Variants in SCYL2 observed in about 807,000 individuals in gnomAD.
SCYL2 encodes SCY1-like protein 2.
In SCYL2, 36 loss-of-function variants were observed where a neutral mutation model predicts 100.4. The observed-to-expected ratio is 0.36, with a 90% CI of 0.27 to 0.47. The LOEUF is 0.47. Ranked by LOEUF, SCYL2 falls within the 20% of genes least tolerant of loss-of-function variation. The pLI is 1.00. For missense variants in SCYL2, 902 were observed against 1,083.9 expected (o/e 0.83, Z 2.36); for synonymous variants, 330 against 359.2 (o/e 0.92, Z 0.92).
intron 3 of SCYL2, among the ~76,000 whole-genome samples, chr12:100,293,873 G>A (rs1358676831): frequency 6.6e-6 from 1 of 152,164 alleles, no homozygotes; most frequent in Admixed American, 6.5e-5. Flanking sequence ...GGGATCCCAA[G>A]GCAGAAGAAT....
At chr12:100,286,836 T>C (rs946909362) in intron 2 of SCYL2, among the ~76,000 whole-genome samples, 2 of 151,948 alleles carry the variant, frequency 1.3e-5, no homozygotes, top group African/African-American at 4.8e-5. Context: ...AAGGAAACTT[T>C]TATGTGAAGC....
At chr12:100,327,853 A>G (rs1414055795) in intron 12 of SCYL2, among the ~76,000 whole-genome samples, 1 of 152,100 alleles carries the variant, frequency 6.6e-6, no homozygotes, top group Non-Finnish European at 1.5e-5. Flanking sequence ...CTTAACACCT[A>G]ATGTAGTGCT....
chr12:100,296,819 A>G (rs2096321356), intron 3 of SCYL2: 1 of 152,030 alleles, frequency 6.6e-6, no homozygotes, highest in Non-Finnish European at 1.5e-5. Context: ...ACGTGTTGGG[A>G]GTACAGAACA....
At chr12:100,314,417 G>A in intron 7 of SCYL2, 72 bp from the exon 8 acceptor site, 1 of 1,114,986 alleles carries the variant, frequency 9.0e-7, no homozygotes, top group Non-Finnish European at 1.3e-6. Context: ...TTACCATATT[G>A]TGACAGTTTC....
intron 2 of SCYL2, among the ~76,000 whole-genome samples, chr12:100,283,939 G>A (rs887796912): frequency 1.3e-5 from 2 of 152,110 alleles, no homozygotes; most frequent in Admixed American, 1.3e-4. Flanking sequence ...AATGCTGATC[G>A]ATTTGTTACT....
intron 2 of SCYL2, among the ~76,000 whole-genome samples, chr12:100,283,773 A>G (rs1447903643): frequency 6.6e-6 from 1 of 152,220 alleles, no homozygotes; most frequent in East Asian, 1.9e-4. Context: ...AGGTAAGTAC[A>G]TTGAAGACTG....
intron 11 of SCYL2, among the ~76,000 whole-genome samples, chr12:100,325,809 C>T (rs904291381): frequency 1.3e-5 from 2 of 151,920 alleles, no homozygotes; most frequent in African/African-American, 4.8e-5. Context: ...ATTATGAGTA[C>T]AAGTTAAGCG....
rs1299332403 is a variant in SCYL2 at position 100,339,047 on chromosome 12, A to T, written c.2665A>T (p.Ile889Leu). 1.2e-6 allele frequency: 2 copies of T among 1,614,040 alleles called. No homozygotes were observed. Among genetic ancestry groups the T allele is most frequent in the Non-Finnish European group, 8.5e-7 (1 of 1,179,984 alleles). ...AGTAATGGGGACACAGATGAACGTG[A>T]TAGGACAATCTGCTTTTGGTATGCA... is the stretch of plus-strand genomic sequence containing the variant. ...SSVMGTQMNV[I>L]GQSAFGMQGN... The change falls in exon 18 of 18, where the codon ATA becomes TTA. Residue 889 changes from isoleucine to leucine, a missense_variant. Coordinates refer to ENST00000360820, the MANE Select transcript of SCYL2 (RefSeq NM_017988.6).
intron 3 of SCYL2, among the ~76,000 whole-genome samples, chr12:100,297,023 C>G (rs2096321658): frequency 6.6e-6 from 1 of 152,150 alleles, no homozygotes; most frequent in Non-Finnish European, 1.5e-5. Context: ...GACATAACTG[C>G]CATTTAACAG....
intron 3 of SCYL2, among the ~76,000 whole-genome samples, chr12:100,294,282 G>A (rs1398471725): frequency 9.9e-5 from 13 of 131,082 alleles, no homozygotes; most frequent in African/African-American, 2.3e-4. Context: ...CCTCCCGGAC[G>A]GGGCGGCTGG....
chr12:100,294,432 GCTCC>G (rs2096315242), intron 3 of SCYL2, among the ~76,000 whole-genome samples: 1 of 94,280 alleles, frequency 1.1e-5, no homozygotes, highest in Non-Finnish European at 2.2e-5. Context: ...GGGCGGGGGG[GCTCC>G]TCACTTCCCA....
At chr12:100,301,505 G>A (rs1474732670) in intron 4 of SCYL2, among the ~76,000 whole-genome samples, 1 of 152,176 alleles carries the variant, frequency 6.6e-6, no homozygotes, top group African/African-American at 2.4e-5. Flanking sequence ...TTAACTTGAT[G>A]TGATCCCATT....
chr12:100,268,173 G>T (rs1426384815), intron 1 of SCYL2, among the ~76,000 whole-genome samples: 1 of 152,180 alleles, frequency 6.6e-6, no homozygotes, highest in Non-Finnish European at 1.5e-5. Context: ...TTCATTGGAA[G>T]GTGTCAACTA....
chr12:100,339,095 C>G lies in SCYL2; in HGVS notation c.2713C>G (p.Gln905Glu). ...GMQGNPFFNPQNFAQPPTTMT... is the reference protein window; with the variant it reads ...GMQGNPFFNPENFAQPPTTMT... ...GCAGGGTAATCCTTTCTTTAACCCA[C>G]AGAACTTTGCACAGCCACCAACTAC... is the stretch of plus-strand genomic sequence containing the variant. The change falls in exon 18 of 18, where the codon CAG (glutamine) becomes GAG (glutamate). Residue 905 changes from glutamine to glutamate, a missense_variant. Transcript: ENST00000360820. 1.9e-6 allele frequency: 3 copies of G among 1,614,046 alleles called. No homozygotes were observed. Among genetic ancestry groups the G allele is most frequent in the Non-Finnish European group, 2.5e-6 (3 of 1,179,950 alleles).
At chr12:100,281,312 A>T (rs2096298156) in intron 1 of SCYL2, among the ~76,000 whole-genome samples, 1 of 152,136 alleles carries the variant, frequency 6.6e-6, no homozygotes, top group South Asian at 2.1e-4. Context: ...TACAAGCCTG[A>T]ATGCTTCTTT....
chr12:100,308,806 C>T (rs182157735), intron 4 of SCYL2, among the ~76,000 whole-genome samples: 1 of 152,074 alleles, frequency 6.6e-6, no homozygotes, highest in African/African-American at 2.4e-5. Flanking sequence ...GGCTAGGTCT[C>T]GTTCAAATGC....
At chr12:100,314,410 C>T in intron 7 of SCYL2, 79 bp from the exon 8 acceptor site, 3 of 1,022,804 alleles carry the variant, frequency 2.9e-6, no homozygotes, top group Non-Finnish European at 4.3e-6. Context: ...ATTTTTTTTA[C>T]CATATTGTGA....
intron 4 of SCYL2, among the ~76,000 whole-genome samples, chr12:100,307,409 A>G (rs2096335958): frequency 6.6e-6 from 1 of 152,202 alleles, no homozygotes; most frequent in Non-Finnish European, 1.5e-5. Context: ...TTTCCTATTT[A>G]ATGAATAGTG....
chr12:100,329,084 T>G, intron 12 of SCYL2, 117 bp from the exon 13 acceptor site: 1 of 573,790 alleles, frequency 1.7e-6, no homozygotes, highest in Non-Finnish European at 3.2e-6. Flanking sequence ...AGGCATTGAT[T>G]GGGAAAAACT....
Sources: gnomAD v4.1 joint callset for allele counts (sites outside exome capture counted in the v4.1 genomes callset) on GRCh38, gnomAD v4.1.1 for gene constraint, MANE v1.5 for transcripts, NCBI Gene and HGNC (gene_info 2026-07-23, HGNC 2026-07-21) for gene names.